SLC24A2: variants seen among roughly 807,000 people sequenced by gnomAD.
The protein encoded by SLC24A2 is sodium/potassium/calcium exchanger 2.
In SLC24A2, 36 loss-of-function variants were observed where a neutral mutation model predicts 62.0. The observed-to-expected ratio is 0.58, with a 90% CI of 0.44 to 0.77. The LOEUF (loss-of-function observed/expected upper bound fraction) is 0.77. SLC24A2 is among the 30% of genes least tolerant of loss of function. The pLI is 0.00. For synonymous variants in SLC24A2, 358 were observed against 294.0 expected, an observed-to-expected ratio of 1.22 and a Z score of -2.23; for missense variants, 846 against 817.9, an observed-to-expected ratio of 1.03 and a Z score of -0.42.
chr9:20,224,988 T>C, the SLC24A2 span, among the ~76,000 whole-genome samples: 1 of 151,940 alleles, frequency 6.6e-6, no homozygotes, highest in East Asian at 1.9e-4. Flanking sequence ...AGGGGCCCCC[T>C]CCTCCACAAT....
chr9:20,015,552 G>A, the SLC24A2 span, among the ~76,000 whole-genome samples: 1 of 152,114 alleles, frequency 6.6e-6, no homozygotes, highest in East Asian at 1.9e-4. Context: ...ATGTCACTGT[G>A]GCCAACCCCA....
the SLC24A2 span, among the ~76,000 whole-genome samples, chr9:20,134,832 C>T: frequency 6.6e-6 from 1 of 152,118 alleles, no homozygotes; most frequent in Non-Finnish European, 1.5e-5. Flanking sequence ...GAAAGGTATA[C>T]TTTTTGTTGC....
rs944500327 is a variant in SLC24A2, at chr9:19,720,092, T to C, written c.930+65845A>G. Among the ~76,000 whole-genome samples, 21 of 152,364 alleles carry C rather than the reference T, an allele frequency of 1.4e-4. 1 individual carries two copies. The highest frequency in any genetic ancestry group is 4.6e-4 in the African/African-American group (19 of 41,588). On this transcript the variant is annotated intron_variant, in intron 2 of 10. Coordinates refer to ENST00000341998, the MANE Select transcript of SLC24A2 (RefSeq NM_020344.4). ...ACCGGAAAGGCTATGTTGCTAGTAC[T>C]ATTAGGTTGGTGCACAAGTAATTGT...
At chr9:19,590,791 C>A (rs1354089221) in intron 5 of SLC24A2, among the ~76,000 whole-genome samples, 2 of 152,290 alleles carry the variant, frequency 1.3e-5, no homozygotes, top group Admixed American at 1.3e-4. Context: ...GCACCACTTC[C>A]AAAACCCCAA....
At chr9:19,827,449 T>C in the SLC24A2 span, among the ~76,000 whole-genome samples, 1 of 152,098 alleles carries the variant, frequency 6.6e-6, no homozygotes, top group Non-Finnish European at 1.5e-5. Flanking sequence ...TTAGGAACAT[T>C]CAAATGAGCA....
At chr9:20,252,440 C>G in the SLC24A2 span, among the ~76,000 whole-genome samples, 7 of 152,278 alleles carry the variant, frequency 4.6e-5, no homozygotes, top group African/African-American at 1.4e-4. Flanking sequence ...AGAGGTGGGA[C>G]AGGATGCCAT....
the SLC24A2 span, among the ~76,000 whole-genome samples, chr9:19,924,987 G>A: frequency 6.6e-6 from 1 of 152,198 alleles, no homozygotes; most frequent in Non-Finnish European, 1.5e-5. Flanking sequence ...ATTCTAAGGG[G>A]TCTTTGGCCC....
chr9:19,940,361 AG>A, the SLC24A2 span, among the ~76,000 whole-genome samples: 1 of 152,238 alleles, frequency 6.6e-6, no homozygotes, highest in African/African-American at 2.4e-5. Flanking sequence ...AAACAAGGCT[AG>A]GTGAACATTT....
chr9:20,289,286 T>C, the SLC24A2 span, among the ~76,000 whole-genome samples: 3 of 152,076 alleles, frequency 2.0e-5, no homozygotes, highest in Non-Finnish European at 4.4e-5. Context: ...TGCTTTAGAG[T>C]TTGCTTCTTG....
chr9:19,978,547 C>T, the SLC24A2 span, among the ~76,000 whole-genome samples: 2 of 151,816 alleles, frequency 1.3e-5, no homozygotes, highest in African/African-American at 2.4e-5. Context: ...AAGCAACTGA[C>T]CAATGTCATG....
the SLC24A2 span, among the ~76,000 whole-genome samples, chr9:19,820,058 CAT>C: frequency 0.018 from 608 of 34,580 alleles, 8 homozygotes; most frequent in East Asian, 0.052. Flanking sequence ...TATATATACA[CAT>C]ATATATATAT....
At chr9:20,217,238 A>G in the SLC24A2 span, among the ~76,000 whole-genome samples, 582 of 152,340 alleles carry the variant, frequency 3.8e-3, 3 homozygotes, top group African/African-American at 0.014. Context: ...GTATGATTCC[A>G]TATATATAAA....
intron 4 of SLC24A2, among the ~76,000 whole-genome samples, chr9:19,609,036 C>T (rs1266031375): frequency 6.6e-6 from 1 of 152,232 alleles, no homozygotes; most frequent in Non-Finnish European, 1.5e-5. Flanking sequence ...TCCAGGAACA[C>T]TTCCCTGAAG....
the SLC24A2 span, among the ~76,000 whole-genome samples, chr9:20,102,576 G>A: frequency 6.6e-6 from 1 of 151,732 alleles, no homozygotes; most frequent in African/African-American, 2.4e-5. Flanking sequence ...AAACCACCAT[G>A]GTACATGTAA....
the SLC24A2 span, among the ~76,000 whole-genome samples, chr9:20,275,189 G>C: frequency 6.6e-6 from 1 of 152,278 alleles, no homozygotes; most frequent in Admixed American, 6.5e-5. Context: ...CATAGACATA[G>C]AGCTCAGTTA....
chr9:19,759,463 T>C (rs963594722), intron 2 of SLC24A2, among the ~76,000 whole-genome samples: 19 of 152,194 alleles, frequency 1.2e-4, no homozygotes, highest in African/African-American at 4.6e-4. Context: ...CCTCTGAAAT[T>C]ATCCCATAAA....
At chr9:19,594,477 AAACC>A (rs551578266) in intron 5 of SLC24A2, among the ~76,000 whole-genome samples, 15 of 152,280 alleles carry the variant, frequency 9.9e-5, no homozygotes, top group Middle Eastern at 3.4e-3. Flanking sequence ...AAACAAAACA[AAACC>A]AACCAACCAA....
chr9:19,524,079 C>CTTAGAGCT (rs903168753), intron 9 of SLC24A2, among the ~76,000 whole-genome samples: 17 of 129,196 alleles, frequency 1.3e-4, no homozygotes, highest in African/African-American at 5.0e-4. Flanking sequence ...ATCAGAGAGG[C>CTTAGAGCT]TTAGAGCTTT....
intron 2 of SLC24A2, among the ~76,000 whole-genome samples, chr9:19,726,213 C>T (rs936845360): frequency 1.3e-5 from 2 of 152,058 alleles, no homozygotes; most frequent in Non-Finnish European, 2.9e-5. Context: ...CAGAACATTG[C>T]GTAGGATTAT....
Sources: gnomAD v4.1 joint callset for allele counts (sites outside exome capture counted in the v4.1 genomes callset) on GRCh38, gnomAD v4.1.1 for gene constraint, MANE v1.5 for transcripts, NCBI Gene and HGNC (gene_info 2026-07-23, HGNC 2026-07-21) for gene names.